Variants in SMS observed in about 807,000 individuals in gnomAD.
SMS encodes spermidine aminopropyltransferase.
A neutral mutation model predicts 33.0 loss-of-function variants in SMS; 3 were observed. The observed-to-expected ratio is 0.09, with a 90% CI of 0.04 to 0.23. SMS has a LOEUF of 0.23. Ranked by LOEUF, SMS falls within the 10% of genes least tolerant of loss-of-function variation. The pLI is 1.00. For synonymous variants in SMS, 103 were observed against 112.2 expected (o/e 0.92, Z 0.52); for missense variants, 117 against 288.6 (o/e 0.41, Z 4.31).
At chrX:21,981,611 C>T (rs1924951964) in intron 7 of SMS, among the ~76,000 whole-genome samples, 1 of 111,965 alleles carries the variant, frequency 8.9e-6, no homozygotes, top group African/African-American at 3.2e-5. Flanking sequence ...TTCCTACACA[C>T]TGCTAATATG....
chrX:21,944,539 A>AAAAAAAAAAAAAAG (rs776946474), intron 1 of SMS, among the ~76,000 whole-genome samples: 9 of 81,431 alleles, frequency 1.1e-4, no homozygotes, highest in Non-Finnish European at 2.1e-4. Context: ...AAAAAAAAAA[A>AAAAAAAAAAAAAAG]AAAAAAGAAA....
At chrX:21,954,743 C>T (rs1453304011) in intron 1 of SMS, among the ~76,000 whole-genome samples, 7 of 112,005 alleles carry the variant, frequency 6.2e-5, no homozygotes, top group African/African-American at 2.3e-4. Flanking sequence ...TTTTTTTTGA[C>T]ATCACACAAT....
intron 1 of SMS, among the ~76,000 whole-genome samples, chrX:21,948,635 G>C (rs1922401512): frequency 9.0e-6 from 1 of 110,671 alleles, no homozygotes. Flanking sequence ...TAGAGCTTTT[G>C]ATTTTGGATT....
At chrX:21,981,314 C>G (rs1467057423) in intron 7 of SMS, among the ~76,000 whole-genome samples, 1 of 98,635 alleles carries the variant, frequency 1.0e-5, no homozygotes, top group Non-Finnish European at 2.0e-5. Flanking sequence ...AGCAAGACTC[C>G]GTCTCAAAAA....
intron 1 of SMS, among the ~76,000 whole-genome samples, chrX:21,952,419 TTG>T (rs1282088960): frequency 5.9e-3 from 293 of 49,325 alleles, no homozygotes; most frequent in African/African-American, 0.016. Flanking sequence ...GTTTGTTTGT[TTG>T]TTTTTTTTTT....
At chrX:21,979,900 C>T (rs1188713229) in intron 7 of SMS, among the ~76,000 whole-genome samples, 1 of 104,592 alleles carries the variant, frequency 9.6e-6, no homozygotes, top group African/African-American at 3.5e-5. Flanking sequence ...GCCATTCTAA[C>T]TCCAGCTTGG....
intron 1 of SMS, chrX:21,941,379 T>C: frequency 4.3e-6 from 1 of 232,364 alleles, no homozygotes; most frequent in South Asian, 4.1e-5. Flanking sequence ...TAAATTTCCC[T>C]CTTGGGGGCG....
Position 21,994,774 on chromosome X carries a change from T to C in SMS, c.*423T>C. On this transcript the variant is annotated 3_prime_UTR_variant, in exon 11 of 11. Coordinates refer to ENST00000404933, the MANE Select transcript of SMS (RefSeq NM_004595.5). Reference sequence around the variant, plus strand: ...AAAAATTGACTTAGATATTAAAATTTGGTGCTTATAAGAGAGAGTTAAAAA... The same window carrying C: ...AAAAATTGACTTAGATATTAAAATTCGGTGCTTATAAGAGAGAGTTAAAAA... The C allele has an allele frequency of 1.2e-5, 9 of 749,704 alleles. No individual in the cohort carries two copies. The highest frequency in any genetic ancestry group is 2.5e-5 in the African/African-American group (1 of 39,436). 61.8% of individuals were successfully genotyped at this position (749,704 alleles called of 1,213,427 possible).
chrX:21,956,530 C>T (rs1244029252), intron 1 of SMS, among the ~76,000 whole-genome samples: 4 of 110,741 alleles, frequency 3.6e-5, no homozygotes, highest in Non-Finnish European at 7.6e-5. Flanking sequence ...AGTGCAGTGG[C>T]GCGATCTCGG....
chrX:21,987,140 C>T (rs1925403537), intron 9 of SMS, among the ~76,000 whole-genome samples: 2 of 110,106 alleles, frequency 1.8e-5, no homozygotes, highest in Admixed American at 1.9e-4. Flanking sequence ...GGATTATAGG[C>T]ATGTGCCACC....
intron 9 of SMS, among the ~76,000 whole-genome samples, chrX:21,986,819 G>A (rs1274216728): frequency 2.7e-5 from 3 of 111,855 alleles, no homozygotes; most frequent in Admixed American, 9.5e-5. Context: ...CATAGTGTCT[G>A]TGGCTGCTTT....
intron 1 of SMS, among the ~76,000 whole-genome samples, chrX:21,965,511 G>A (rs566240635): frequency 9.8e-6 from 1 of 102,112 alleles, no homozygotes; most frequent in Non-Finnish European, 1.9e-5. Context: ...TGGGCCGGGC[G>A]CGGCGGATCA....
rs751799271 is a variant in SMS, at chrX:21,959,145, A to G, written c.50-8051A>G. Among the ~76,000 whole-genome samples, 8 of 112,573 alleles carry G rather than the reference A, an allele frequency of 7.1e-5. No homozygotes were observed. The South Asian group carries it at 2.6e-3, about 36-fold the overall frequency. On this transcript the variant is annotated intron_variant, in intron 1 of 10. Coordinates refer to ENST00000404933, the MANE Select transcript of SMS (RefSeq NM_004595.5). ...TAAAAAGGACTAGACATAGGGCTATAAAGCCAAGCTGTTAAGTAAGGCATG... is the reference window on the plus strand; with the variant it reads ...TAAAAAGGACTAGACATAGGGCTATGAAGCCAAGCTGTTAAGTAAGGCATG...
intron 1 of SMS, among the ~76,000 whole-genome samples, chrX:21,945,066 C>T (rs757263694): frequency 6.2e-5 from 7 of 112,062 alleles, no homozygotes; most frequent in African/African-American, 2.3e-4. Context: ...TCTAACAGGC[C>T]AGCCAGCTCT....
chrX:21,970,390 G>A (rs62591198), intron 2 of SMS, among the ~76,000 whole-genome samples: 5,752 of 110,764 alleles, frequency 0.052, 156 homozygotes, highest in Non-Finnish European at 0.083. Context: ...CACCCAAGTG[G>A]ATAAAGGGGA....
intron 2 of SMS, among the ~76,000 whole-genome samples, chrX:21,967,886 T>TG (rs929770576): frequency 4.5e-5 from 5 of 112,248 alleles, no homozygotes; most frequent in African/African-American, 6.5e-5. Flanking sequence ...AAAAAGTTTA[T>TG]GGTAGAACTC....
intron 1 of SMS, among the ~76,000 whole-genome samples, chrX:21,955,443 C>T (rs1441552257): frequency 1.8e-5 from 2 of 112,156 alleles, no homozygotes; most frequent in Non-Finnish European, 1.9e-5. Context: ...CGTCTCCACA[C>T]GTCACATGCC....
chrX:21,971,775 G>A, intron 2 of SMS, 122 bp from the exon 3 acceptor site: 1 of 535,261 alleles, frequency 1.9e-6, no homozygotes, highest in African/African-American at 2.3e-5. Flanking sequence ...AAGCTTAACT[G>A]TATACTTTTG....
intron 1 of SMS, 30 bp downstream of exon 1, chrX:21,940,903 C>T (rs1179784906): frequency 3.0e-6 from 3 of 1,008,448 alleles, no homozygotes; most frequent in East Asian, 4.5e-5. Flanking sequence ...CCTGCGTGGC[C>T]ATCCCCGCCG....
Sources: allele counts gnomAD v4.1 joint callset (sites outside exome capture counted in the v4.1 genomes callset), GRCh38; gene constraint gnomAD v4.1.1; transcripts MANE v1.5; gene names NCBI Gene and HGNC (gene_info 2026-07-23, HGNC 2026-07-21).